LRRC4C: variants seen among roughly 807,000 people sequenced by gnomAD.
LRRC4C encodes the protein leucine-rich repeat-containing protein 4C.
Under a neutral mutation model 33.6 loss-of-function variants are expected in LRRC4C, and 5 were observed. The observed-to-expected ratio is 0.15, with a 90% CI of 0.08 to 0.31. LRRC4C has a LOEUF of 0.31. LRRC4C is among the 10% of genes least tolerant of loss of function. The pLI is 1.00. For missense variants in LRRC4C, 560 were observed against 796.7 expected, an observed-to-expected ratio of 0.70 and a Z score of 3.58; for synonymous variants, 329 against 302.0, an observed-to-expected ratio of 1.09 and a Z score of -0.93.
rs373802861 is a variant in LRRC4C at position 41,210,940 on chromosome 11, C to T, written c.-496+248491G>A. Among the ~76,000 whole-genome samples, 66 of 152,268 alleles carry T rather than the reference C, an allele frequency of 4.3e-4. 2 individuals carry two copies. In the East Asian group the frequency reaches 0.012, roughly 28 times the overall value. On this transcript the variant is annotated intron_variant, in intron 1 of 6. Transcript: ENST00000528697. ...TTAGAGTCTCATAAGGAGCATGCAACCTAGATCCCTCACATATGCAGTTCA... is the reference window on the plus strand; with the variant it reads ...TTAGAGTCTCATAAGGAGCATGCAATCTAGATCCCTCACATATGCAGTTCA...
chr11:40,612,118 C>T (rs1238322471), intron 3 of LRRC4C, among the ~76,000 whole-genome samples: 1 of 151,640 alleles, frequency 6.6e-6, no homozygotes, highest in East Asian at 1.9e-4. Flanking sequence ...ATTCATAATA[C>T]CCAAGAGGTG....
Position 40,552,557 on chromosome 11 carries a change from T to TC in LRRC4C, c.-270+95584dup, listed in dbSNP as rs1480234756. ...ATGAGGTCCATGAGGGCACTGGATG[T>TC]CCAGTAGACATGAGGGCTTAGAGGA... On this transcript the variant is annotated intron_variant, in intron 3 of 6. Transcript: ENST00000528697. 2.6e-5 allele frequency among the ~76,000 whole-genome samples: 4 copies of TC among 152,276 alleles called. No individual in the cohort carries two copies. The East Asian group carries it at 7.7e-4, about 29-fold the overall frequency.
intron 1 of LRRC4C, among the ~76,000 whole-genome samples, chr11:41,101,175 C>A (rs934906981): frequency 1.3e-5 from 2 of 152,088 alleles, no homozygotes; most frequent in African/African-American, 4.8e-5. Flanking sequence ...AACTTAAGAG[C>A]TTCTGCACAG....
At chr11:40,470,375 T>G (rs1952869718) in intron 3 of LRRC4C, among the ~76,000 whole-genome samples, 1 of 152,168 alleles carries the variant, frequency 6.6e-6, no homozygotes, top group South Asian at 2.1e-4. Flanking sequence ...AAACCCCATC[T>G]GAAGGTCATC....
chr11:40,510,846 T>G (rs920264929), intron 3 of LRRC4C, among the ~76,000 whole-genome samples: 4 of 152,090 alleles, frequency 2.6e-5, no homozygotes, highest in South Asian at 2.1e-4. Context: ...AAGATGACCC[T>G]TGTGAATAAC....
intron 3 of LRRC4C, among the ~76,000 whole-genome samples, chr11:40,449,666 C>A (rs1409187956): frequency 6.6e-6 from 1 of 152,134 alleles, no homozygotes; most frequent in Non-Finnish European, 1.5e-5. Context: ...TGAACGCATA[C>A]CCCACTCTAG....
chr11:40,854,884 T>C (rs919660696), intron 2 of LRRC4C, among the ~76,000 whole-genome samples: 3 of 152,066 alleles, frequency 2.0e-5, no homozygotes, highest in Admixed American at 1.3e-4. Flanking sequence ...TTAATAACAA[T>C]TAGAGATCAC....
intron 1 of LRRC4C, among the ~76,000 whole-genome samples, chr11:41,255,597 T>C (rs1346067477): frequency 6.6e-6 from 1 of 151,998 alleles, no homozygotes; most frequent in African/African-American, 2.4e-5. Flanking sequence ...GCAAATTTGT[T>C]GTTCCAGGAA....
At chr11:41,112,732 G>T (rs1050082524) in intron 1 of LRRC4C, among the ~76,000 whole-genome samples, 1 of 152,124 alleles carries the variant, frequency 6.6e-6, no homozygotes, top group Non-Finnish European at 1.5e-5. Flanking sequence ...TTATACCTAA[G>T]AATTAATGCA....
At chr11:40,488,980 A>G (rs766542201) in intron 3 of LRRC4C, among the ~76,000 whole-genome samples, 1 of 152,144 alleles carries the variant, frequency 6.6e-6, no homozygotes, top group East Asian at 1.9e-4. Context: ...TTGGGCTCAG[A>G]CAGAGCTGGG....
chr11:40,414,732 A>C (rs1950265006), intron 3 of LRRC4C, among the ~76,000 whole-genome samples: 1 of 152,248 alleles, frequency 6.6e-6, no homozygotes, highest in Non-Finnish European at 1.5e-5. Context: ...TTATTAATAA[A>C]ATGAAAAGCT....
intron 3 of LRRC4C, among the ~76,000 whole-genome samples, chr11:40,545,016 C>G (rs1004260482): frequency 6.6e-6 from 1 of 151,962 alleles, no homozygotes; most frequent in Admixed American, 6.6e-5. Context: ...ATTTTCATTG[C>G]TTAGCATGCT....
chr11:40,774,199 T>A (rs1202520777), intron 2 of LRRC4C, among the ~76,000 whole-genome samples: 5 of 152,146 alleles, frequency 3.3e-5, no homozygotes, highest in Non-Finnish European at 7.4e-5. Flanking sequence ...CCTGGCTGAA[T>A]AATATTCCAT....
intron 3 of LRRC4C, among the ~76,000 whole-genome samples, chr11:40,480,370 T>TA (rs1470560376): frequency 2.7e-5 from 4 of 150,718 alleles, no homozygotes; most frequent in Non-Finnish European, 5.9e-5. Context: ...AAAATAAAAA[T>TA]AAATAAATAA....
chr11:41,207,552 T>C (rs1007153150), intron 1 of LRRC4C, among the ~76,000 whole-genome samples: 1 of 152,104 alleles, frequency 6.6e-6, no homozygotes, highest in Non-Finnish European at 1.5e-5. Context: ...AGAAGAGGAA[T>C]AGACACAAAA....
intron 3 of LRRC4C, among the ~76,000 whole-genome samples, chr11:40,456,998 A>C (rs1223836394): frequency 1.3e-5 from 2 of 151,890 alleles, no homozygotes; most frequent in Admixed American, 1.3e-4. Flanking sequence ...GTCCTTCGAA[A>C]TGCAAAGTAA....
intron 3 of LRRC4C, among the ~76,000 whole-genome samples, chr11:40,387,211 G>T (rs1396959304): frequency 6.6e-6 from 1 of 151,938 alleles, no homozygotes; most frequent in Non-Finnish European, 1.5e-5. Context: ...GGTATATAAT[G>T]CATTTAGAAT....
intron 3 of LRRC4C, among the ~76,000 whole-genome samples, chr11:40,550,110 A>G (rs986235375): frequency 3.3e-5 from 5 of 152,168 alleles, no homozygotes; most frequent in Non-Finnish European, 7.4e-5. Flanking sequence ...GGTTACAGAT[A>G]TCAAGGGATC....
At chr11:40,409,795 G>T (rs1202884712) in intron 3 of LRRC4C, among the ~76,000 whole-genome samples, 2 of 152,002 alleles carry the variant, frequency 1.3e-5, no homozygotes, top group African/African-American at 4.8e-5. Context: ...ATGTAAATTA[G>T]TATAAGCATT....
Sources: gnomAD v4.1 joint callset for allele counts (sites outside exome capture counted in the v4.1 genomes callset) on GRCh38, gnomAD v4.1.1 for gene constraint, MANE v1.5 for transcripts, NCBI Gene and HGNC (gene_info 2026-07-23, HGNC 2026-07-21) for gene names.